HS6ST3: variants seen among roughly 807,000 people sequenced by gnomAD.
HS6ST3 encodes the protein heparan sulfate 6-O-sulfotransferase 3.
Under a neutral mutation model 36.7 loss-of-function variants are expected in HS6ST3, and 12 were observed. The observed-to-expected ratio is 0.33, with a 90% CI of 0.21 to 0.53. HS6ST3 has a LOEUF of 0.53. HS6ST3 is among the 20% of genes least tolerant of loss of function. The probability of loss-of-function intolerance (pLI) is 0.95; values close to 1 mark genes in which losing one functional copy is unlikely to be tolerated. For synonymous variants in HS6ST3, 240 were observed against 257.5 expected, an observed-to-expected ratio of 0.93 and a Z score of 0.65; for missense variants, 584 against 640.9, an observed-to-expected ratio of 0.91 and a Z score of 0.96.
chr13:96,434,132 A>T (rs2055630147), intron 1 of HS6ST3, among the ~76,000 whole-genome samples: 1 of 152,152 alleles, frequency 6.6e-6, no homozygotes, highest in Non-Finnish European at 1.5e-5. Flanking sequence ...TCTTGATGTC[A>T]GACTTTTAGC....
chr13:96,651,328 G>C (rs2056606394), intron 1 of HS6ST3, among the ~76,000 whole-genome samples: 1 of 151,942 alleles, frequency 6.6e-6, no homozygotes, highest in Admixed American at 6.6e-5. Context: ...TACAGAAACT[G>C]TATTTATCTT....
intron 1 of HS6ST3, among the ~76,000 whole-genome samples, chr13:96,260,888 CCTT>C (rs1483074554): frequency 6.6e-6 from 1 of 151,756 alleles, no homozygotes; most frequent in Non-Finnish European, 1.5e-5. Context: ...GATCCGCCCT[CCTT>C]GGCCTCTCAA....
At chr13:96,769,514 A>T (rs1284084509) in intron 1 of HS6ST3, among the ~76,000 whole-genome samples, 2 of 144,376 alleles carry the variant, frequency 1.4e-5, no homozygotes, top group African/African-American at 5.1e-5. Flanking sequence ...ATGCAGACAT[A>T]CATTCTATGC....
intron 1 of HS6ST3, among the ~76,000 whole-genome samples, chr13:96,300,768 G>C (rs1406062414): frequency 6.6e-5 from 10 of 151,970 alleles, no homozygotes. Context: ...GCTCTGTTAG[G>C]TTGCAAATTA....
intron 1 of HS6ST3, among the ~76,000 whole-genome samples, chr13:96,179,548 T>C (rs1164757085): frequency 5.9e-5 from 9 of 152,202 alleles, no homozygotes; most frequent in Admixed American, 3.9e-4. Context: ...ACAAGATAAA[T>C]GTAGTTCCTG....
intron 1 of HS6ST3, among the ~76,000 whole-genome samples, chr13:96,714,170 T>C (rs2138463320): frequency 6.6e-6 from 1 of 152,216 alleles, no homozygotes; most frequent in African/African-American, 2.4e-5. Flanking sequence ...AAAGAAAACA[T>C]TGATAAATTT....
At chr13:96,767,633 T>C (rs554880348) in intron 1 of HS6ST3, among the ~76,000 whole-genome samples, 114 of 152,316 alleles carry the variant, frequency 7.5e-4, no homozygotes, top group Non-Finnish European at 1.3e-3. Context: ...ATACAGAATT[T>C]GACAACATTT....
intron 1 of HS6ST3, among the ~76,000 whole-genome samples, chr13:96,293,463 C>G (rs2054839878): frequency 6.6e-6 from 1 of 152,142 alleles, no homozygotes; most frequent in South Asian, 2.1e-4. Flanking sequence ...ATAACAAATT[C>G]TCATACGTGT....
intron 1 of HS6ST3, among the ~76,000 whole-genome samples, chr13:96,706,404 GAATAT>G (rs913762280): frequency 5.3e-5 from 6 of 114,148 alleles, no homozygotes; most frequent in African/African-American, 2.4e-4. Context: ...AAATATAATA[GAATAT>G]ATTTTATATA....
intron 1 of HS6ST3, among the ~76,000 whole-genome samples, chr13:96,478,896 C>T (rs981740234): frequency 6.6e-6 from 1 of 152,110 alleles, no homozygotes; most frequent in Non-Finnish European, 1.5e-5. Context: ...ACTCTTAAAT[C>T]CTTTCTCTTT....
chr13:96,282,702 T>C (rs977051076), intron 1 of HS6ST3, among the ~76,000 whole-genome samples: 11 of 152,186 alleles, frequency 7.2e-5, no homozygotes, highest in Non-Finnish European at 1.6e-4. Flanking sequence ...ATATGTAAGT[T>C]CTTAGGTAGA....
At chr13:96,323,508 C>T (rs11620286) in intron 1 of HS6ST3, among the ~76,000 whole-genome samples, 3,931 of 152,308 alleles carry the variant, frequency 0.026, 64 homozygotes, top group East Asian at 0.054. Context: ...TTATTCTCAA[C>T]ATGGCAGCCA....
chr13:96,515,503 C>T (rs1487810702), intron 1 of HS6ST3, among the ~76,000 whole-genome samples: 2 of 152,184 alleles, frequency 1.3e-5, no homozygotes, highest in Non-Finnish European at 2.9e-5. Context: ...AAGCCTTTTC[C>T]CTGATCTGCC....
At chr13:96,799,721 T>C (rs1216934330) in intron 1 of HS6ST3, among the ~76,000 whole-genome samples, 1 of 151,118 alleles carries the variant, frequency 6.6e-6, no homozygotes, top group Admixed American at 6.6e-5. Context: ...GCATGGCACA[T>C]GTATACATAT....
intron 1 of HS6ST3, among the ~76,000 whole-genome samples, chr13:96,247,814 T>G (rs1323792600): frequency 6.6e-6 from 1 of 152,118 alleles, no homozygotes; most frequent in African/African-American, 2.4e-5. Flanking sequence ...CCTGGAAACC[T>G]AATGTACATA....
intron 1 of HS6ST3, among the ~76,000 whole-genome samples, chr13:96,319,992 C>T (rs908221062): frequency 2.9e-4 from 44 of 152,074 alleles, no homozygotes; most frequent in African/African-American, 1.0e-3. Flanking sequence ...TTTGTTCGTA[C>T]GTGATTCAAT....
intron 1 of HS6ST3, among the ~76,000 whole-genome samples, chr13:96,801,438 C>T (rs893670583): frequency 6.6e-6 from 1 of 152,038 alleles, no homozygotes; most frequent in African/African-American, 2.4e-5. Context: ...ATTTACCCTT[C>T]TGCTTGAATG....
At chr13:96,257,858 GA>G (rs1451806870) in intron 1 of HS6ST3, among the ~76,000 whole-genome samples, 1 of 152,170 alleles carries the variant, frequency 6.6e-6, no homozygotes, top group Non-Finnish European at 1.5e-5. Context: ...GAGATTTTAA[GA>G]TAGAAATCTT....
At position 96,236,130 on chromosome 13, in the gene HS6ST3, C is replaced by T. The variant is rs182085957; in HGVS notation, c.707+144561C>T. On this transcript the variant is annotated intron_variant, in intron 1 of 1. Coordinates refer to ENST00000376705, the MANE Select transcript of HS6ST3 (RefSeq NM_153456.4). ...ATCCAGTACTGGAGAAAGATGATGG[C>T]CTGAAGACTCAGCAAGTCAGCTCAT... Among the ~76,000 whole-genome samples the T allele has an allele frequency of 3.1e-4, 47 of 152,242 alleles. No homozygotes were observed. In the East Asian group the frequency reaches 8.9e-3, roughly 29 times the overall value.
Sources: allele counts gnomAD v4.1 joint callset (sites outside exome capture counted in the v4.1 genomes callset), GRCh38; gene constraint gnomAD v4.1.1; transcripts MANE v1.5; gene names NCBI Gene and HGNC (gene_info 2026-07-23, HGNC 2026-07-21).